Variants in TIAM1 observed in about 807,000 individuals in gnomAD.
TIAM1 encodes the protein TIAM Rac1 associated GEF 1.
Under a neutral mutation model 163.5 loss-of-function variants are expected in TIAM1, and 65 were observed. The ratio of observed to expected loss-of-function variants is 0.40; its 90% CI spans 0.33 to 0.49. The LOEUF is 0.49. Ranked by LOEUF, TIAM1 falls within the 20% of genes least tolerant of loss-of-function variation. The pLI, the probability that TIAM1 is intolerant of heterozygous loss-of-function variation, is 0.77. For synonymous variants in TIAM1, 833 were observed against 810.1 expected (o/e 1.03, Z -0.48); for missense variants, 1,789 against 2,044.7 (o/e 0.87, Z 2.41).
At chr21:31,511,900 A>C (rs1009060132) in intron 1 of TIAM1, among the ~76,000 whole-genome samples, 2 of 152,174 alleles carry the variant, frequency 1.3e-5, no homozygotes, top group Admixed American at 1.3e-4. Flanking sequence ...AATCAGCTGG[A>C]AGTGACAGGC....
intron 8 of TIAM1, among the ~76,000 whole-genome samples, chr21:31,220,670 T>C (rs1348388425): frequency 1.3e-5 from 2 of 152,232 alleles, no homozygotes; most frequent in African/African-American, 4.8e-5. Context: ...AATTCTAAAT[T>C]GCTTGGGGCC....
In TIAM1 at chr21:31,395,154, CT is replaced by C. The variant is rs1420653100; in HGVS notation, c.-368-55733del. 2.0e-5 allele frequency among the ~76,000 whole-genome samples: 3 copies of C among 151,914 alleles called. No individual in the cohort carries two copies. Among genetic ancestry groups the C allele is most frequent in the African/African-American group, 7.3e-5 (3 of 41,354 alleles). On this transcript the variant is annotated intron_variant, in intron 2 of 28. Coordinates refer to the TIAM1 transcript ENST00000286827. The surrounding 1 kb of genome is among the most constrained non-coding windows in gnomAD (Gnocchi z 7.5). ...TTGGGAGGCTGCGGCACCAGAATTG[CT>C]TGAGCCTGGGAGGCAGAGGTTGCAG...
chr21:31,210,647 A>G (rs2086735011), intron 10 of TIAM1, among the ~76,000 whole-genome samples: 3 of 25,404 alleles, frequency 1.2e-4, no homozygotes, highest in African/African-American at 3.9e-4. Context: ...GAAAGAAAGA[A>G]AGAAAGAAAG....
intron 1 of TIAM1, among the ~76,000 whole-genome samples, chr21:31,543,978 A>G (rs1205864596): frequency 6.6e-6 from 1 of 152,182 alleles, no homozygotes; most frequent in Admixed American, 6.5e-5. Flanking sequence ...TGGGAGGCCA[A>G]GGTGGGCAGA....
rs556974963 is a variant in TIAM1 at position 31,470,053 on chromosome 21, G to C, written c.-421-6018C>G. ...CAGTCTGGCTCTGTCACCCAGGCTG[G>C]AGTGCAGTGGCGCGATCTCAGCTCA... On this transcript the variant is annotated intron_variant, in intron 1 of 28. Transcript: ENST00000286827. 2.6e-3 allele frequency among the ~76,000 whole-genome samples: 384 copies of C among 150,284 alleles called. 2 individuals are homozygous for C. The highest frequency in any genetic ancestry group is 8.5e-3 in the African/African-American group (350 of 40,976).
At chr21:31,524,866 G>A (rs1165436826) in intron 1 of TIAM1, among the ~76,000 whole-genome samples, 1 of 152,062 alleles carries the variant, frequency 6.6e-6, no homozygotes, top group Non-Finnish European at 1.5e-5. Flanking sequence ...CCTTGTCTTA[G>A]TACATTTGTG....
At chr21:31,245,731 T>C in intron 5 of TIAM1, 71 bp from the exon 6 acceptor site, 1 of 1,280,206 alleles carries the variant, frequency 7.8e-7, no homozygotes, top group Non-Finnish European at 1.0e-6. Context: ...CAGTTGAACC[T>C]AACATGTGCA....
intron 2 of TIAM1, among the ~76,000 whole-genome samples, chr21:31,396,046 G>C (rs1247185775): frequency 6.6e-6 from 1 of 152,210 alleles, no homozygotes; most frequent in Non-Finnish European, 1.5e-5. Flanking sequence ...AACTAAATTA[G>C]AGGAAGTCTT....
chr21:31,170,111 A>G (rs372999404), intron 15 of TIAM1, among the ~76,000 whole-genome samples: 5 of 152,358 alleles, frequency 3.3e-5, no homozygotes, highest in Admixed American at 2.0e-4. Context: ...CTTCATGTTT[A>G]GATTATAGAA....
intron 2 of TIAM1, among the ~76,000 whole-genome samples, chr21:31,449,598 G>A (rs144385574): frequency 4.6e-5 from 7 of 152,008 alleles, no homozygotes; most frequent in Non-Finnish European, 8.8e-5. Context: ...GGCTGGTCTC[G>A]AACTCCTGAC....
chr21:31,153,248 C>T lies in TIAM1; in HGVS notation c.3172-114G>A, dbSNP rs562733822. On this transcript the variant is annotated intron_variant, in intron 17 of 27. Coordinates refer to ENST00000541036, the MANE Select transcript of TIAM1 (RefSeq NM_001353694.2). Reference sequence around the variant, plus strand: ...ATAAAAGGATCTAGAAGAGAACAAACAGATCCTGTCCCGAAGGCTAACGTT... The same window carrying T: ...ATAAAAGGATCTAGAAGAGAACAAATAGATCCTGTCCCGAAGGCTAACGTT... The T allele has an allele frequency of 4.8e-5, 40 of 841,640 alleles. 1 individual carries two copies. In the Admixed American group the frequency reaches 9.0e-4, roughly 19 times the overall value. 52.1% of individuals were successfully genotyped at this position (841,640 alleles called of 1,614,324 possible). A position where few individuals can be genotyped will look rare whatever the true frequency, so the allele number is the denominator to read the frequency against.
At chr21:31,397,665 C>A (rs534786459) in intron 2 of TIAM1, among the ~76,000 whole-genome samples, 5 of 152,266 alleles carry the variant, frequency 3.3e-5, no homozygotes, top group Admixed American at 2.6e-4. Flanking sequence ...GGTGCCAACA[C>A]GTTATGATCC....
At chr21:31,557,664 G>T (rs994553045) in intron 1 of TIAM1, among the ~76,000 whole-genome samples, 77 of 152,216 alleles carry the variant, frequency 5.1e-4, no homozygotes, top group African/African-American at 1.9e-3. Flanking sequence ...TCTGACTCGG[G>T]ATGCGGCACA....
intron 1 of TIAM1, among the ~76,000 whole-genome samples, chr21:31,546,650 T>G (rs996602276): frequency 1.2e-4 from 19 of 152,154 alleles, no homozygotes; most frequent in Admixed American, 2.6e-4. Context: ...TATTAACCAT[T>G]TTAACACTGC....
chr21:31,238,535 T>A (rs1032011327), intron 6 of TIAM1, among the ~76,000 whole-genome samples: 1 of 152,204 alleles, frequency 6.6e-6, no homozygotes, highest in Non-Finnish European at 1.5e-5. Flanking sequence ...GGAATTCACA[T>A]CAGAAATGTG....
At chr21:31,297,537 G>A (rs1242752609) in intron 2 of TIAM1, among the ~76,000 whole-genome samples, 4 of 152,202 alleles carry the variant, frequency 2.6e-5, no homozygotes, top group Non-Finnish European at 5.9e-5. Context: ...TGGGATTACA[G>A]GCACCTGCCA....
intron 2 of TIAM1, among the ~76,000 whole-genome samples, chr21:31,314,512 G>A (rs971787554): frequency 2.6e-5 from 4 of 152,120 alleles, no homozygotes; most frequent in Admixed American, 2.6e-4. Flanking sequence ...AAAACAAGCT[G>A]CACATACATC....
In TIAM1 at chr21:31,416,107, G is replaced by T. The variant is rs147543280; in HGVS notation, c.-369+47876C>A. Among the ~76,000 whole-genome samples, 409 of 151,944 alleles carry T rather than the reference G, an allele frequency of 2.7e-3. 1 individual carries two copies. The highest frequency in any genetic ancestry group is 8.9e-3 in the African/African-American group (369 of 41,258). ...TTACCTTTAAAAAGGCCTCCATAAC[G>T]TGACGCCAGTGGGGCTCTCTCTTCT... On this transcript the variant is annotated intron_variant, in intron 2 of 28. Coordinates refer to the TIAM1 transcript ENST00000286827.
intron 11 of TIAM1, among the ~76,000 whole-genome samples, chr21:31,209,433 T>C (rs2086614574): frequency 6.6e-6 from 1 of 152,172 alleles, no homozygotes; most frequent in Non-Finnish European, 1.5e-5. Flanking sequence ...TGGTTTAAGG[T>C]GAAAGAGAAA....
Sources: gnomAD v4.1 joint callset for allele counts (sites outside exome capture counted in the v4.1 genomes callset) on GRCh38, gnomAD v4.1.1 for gene constraint, Gnocchi (gnomAD v3.1) non-coding constraint, MANE v1.5 for transcripts, NCBI Gene and HGNC (gene_info 2026-07-23, HGNC 2026-07-21) for gene names.